The following DNAH8 variants were observed in gnomAD, a reference collection of about 807,000 sequenced individuals.
DNAH8 encodes dynein axonemal heavy chain 8, also known as axonemal beta dynein heavy chain 8.
In DNAH8, 382 loss-of-function variants were observed where a neutral mutation model predicts 562.1. The observed-to-expected ratio is 0.68, with a 90% confidence interval of 0.63 to 0.74. DNAH8 has a LOEUF of 0.74. Ranked by LOEUF, DNAH8 falls within the 30% of genes least tolerant of loss-of-function variation. The pLI is 0.00. For missense variants in DNAH8, 5,203 were observed against 5,620.4 expected, an observed-to-expected ratio of 0.93 and a Z score of 2.37; for synonymous variants, 1,881 against 1,919.4, an observed-to-expected ratio of 0.98 and a Z score of 0.52.
At chr6:39,002,734 A>G (rs1418040874) in intron 88 of DNAH8, among the ~76,000 whole-genome samples, 1 of 152,218 alleles carries the variant, frequency 6.6e-6, no homozygotes, top group Non-Finnish European at 1.5e-5. Context: ...GTTCATTAAA[A>G]ATCAGGTTTT....
intron 58 of DNAH8, among the ~76,000 whole-genome samples, chr6:38,893,038 A>G (rs914751325): frequency 6.6e-6 from 1 of 151,920 alleles, no homozygotes; most frequent in African/African-American, 2.4e-5. Flanking sequence ...GCATATTTAC[A>G]TATATATTTG....
At chr6:38,816,933 T>A (rs1772336912) in intron 26 of DNAH8, among the ~76,000 whole-genome samples, 1 of 152,126 alleles carries the variant, frequency 6.6e-6, no homozygotes, top group African/African-American at 2.4e-5. Flanking sequence ...TCTGATGGGG[T>A]TGAGAAACTG....
intron 91 of DNAH8, among the ~76,000 whole-genome samples, chr6:39,015,792 C>A (rs1766528036): frequency 6.6e-6 from 1 of 152,172 alleles, no homozygotes; most frequent in South Asian, 2.1e-4. Context: ...TTCAGTTCTG[C>A]TTTCAAGTTA....
At chr6:38,959,611 T>C (rs1309163475) in intron 82 of DNAH8, among the ~76,000 whole-genome samples, 2 of 151,844 alleles carry the variant, frequency 1.3e-5, no homozygotes, top group East Asian at 3.9e-4. Flanking sequence ...ATGGAAGAAG[T>C]TGAAAAGGAC....
At chr6:39,019,700 A>G (rs2281346) in intron 91 of DNAH8, among the ~76,000 whole-genome samples, 122,453 of 152,090 alleles carry the variant, frequency 0.81, 49,993 homozygotes, top group Middle Eastern at 0.88. Flanking sequence ...TGGAGTTGAG[A>G]AGAAGGTCAT....
intron 64 of DNAH8, among the ~76,000 whole-genome samples, chr6:38,908,675 C>T (rs764124196): frequency 6.6e-6 from 1 of 152,198 alleles, no homozygotes; most frequent in Non-Finnish European, 1.5e-5. Context: ...ACCTTAGACT[C>T]CCAAGTAGCT....
In DNAH8 at chr6:38,848,696, G is replaced by T. The variant is rs1241477518; in HGVS notation, c.5094G>T (p.Leu1698Phe). The T allele has an allele frequency of 1.9e-6, 3 of 1,611,788 alleles. No individual in the cohort carries two copies. Among genetic ancestry groups the T allele is most frequent in the East Asian group, 2.2e-5 (1 of 44,850 alleles). Residue 1698 changes from leucine (L) to phenylalanine (F), a missense_variant, in exon 37 of 93, where the codon TTG becomes TTT. Around this residue, in one of 6 missense-constraint regions of DNAH8, gnomAD observed 2,176 missense variants for 2,365.1 expected, o/e 0.92. Coordinates refer to ENST00000327475, the MANE Select transcript of DNAH8 (RefSeq NM_001206927.2). ...ATATCCAGAATTGGGTGTATAAATT[G>T]TCCACTTCCTCAGATATAATTGAAG... ...KKNIQNWVYK[L>F]STSSDIIEEW...
chr6:38,726,003 T>C (rs995353814), intron 3 of DNAH8, among the ~76,000 whole-genome samples: 1 of 152,158 alleles, frequency 6.6e-6, no homozygotes, highest in African/African-American at 2.4e-5. Flanking sequence ...AAGCAATTGG[T>C]GCAAAACAAC....
chr6:38,850,301 G>A lies in DNAH8; in HGVS notation c.5250G>A (p.Gln1750=). 6.2e-7 allele frequency: 1 copy of A among 1,613,552 alleles called. No homozygotes were observed. Residue 1750 remains glutamine (Q), a synonymous_variant, in exon 38 of 93, where the codon CAG becomes CAA. Transcript: ENST00000327475. The part of the protein sequence containing the change: ...NIDKSWIKIM[Q]RAHENPNVIN... ...ACAAGTCTTGGATAAAAATAATGCA[G>A]CGAGCTCATGAGAATCCCAATGTGA...
intron 29 of DNAH8, among the ~76,000 whole-genome samples, chr6:38,827,945 A>G (rs1337558890): frequency 6.6e-6 from 1 of 151,604 alleles, no homozygotes; most frequent in African/African-American, 2.4e-5. Context: ...AGACATATAC[A>G]TCTCCATCAG....
intron 48 of DNAH8, among the ~76,000 whole-genome samples, chr6:38,869,524 T>C (rs1777303484): frequency 6.6e-6 from 1 of 151,906 alleles, no homozygotes; most frequent in Admixed American, 6.6e-5. Context: ...TCATAAGGGG[T>C]CAGATGTTGG....
chr6:38,765,766 A>G (rs1301004688), intron 11 of DNAH8, among the ~76,000 whole-genome samples: 3 of 152,226 alleles, frequency 2.0e-5, no homozygotes, highest in Non-Finnish European at 4.4e-5. Context: ...TTGCAAATTA[A>G]AAACCACAAT....
At chr6:39,020,624 G>A (rs1214616971) in intron 91 of DNAH8, among the ~76,000 whole-genome samples, 1 of 152,092 alleles carries the variant, frequency 6.6e-6, no homozygotes, top group East Asian at 1.9e-4. Flanking sequence ...TATCATCTAG[G>A]TTTTAAGCCC....
rs143431894 is a variant in DNAH8 at position 38,822,868 on chromosome 6, A to T, written c.3554A>T (p.Lys1185Met). The T allele has an allele frequency of 6.2e-7, 1 of 1,603,668 alleles. No homozygotes were observed. The highest frequency in any genetic ancestry group is 8.5e-7 in the Non-Finnish European group (1 of 1,177,036). The change falls in exon 27 of 93, where the codon AAG becomes ATG. Residue 1185 changes from lysine to methionine, a missense_variant. Physicochemically the swap from Lys to Met is moderately conservative, Grantham distance 95 (BLOSUM62 -1). This residue lies in a region of DNAH8 where 2,176 missense variants were observed against 2,365.1 expected (regional missense o/e 0.92). Transcript: ENST00000327475. ...RSFEEAIPAR[K>M]LKNFYPGVAE... ...TTTGAAGAAGCTATTCCTGCGAGGA[A>T]GCTGAAGAATTTTTACCCGGGGGTA... is the stretch of plus-strand genomic sequence containing the variant.
chr6:38,790,011 C>A, intron 19 of DNAH8, 128 bp downstream of exon 19: 1 of 660,562 alleles, frequency 1.5e-6, no homozygotes, highest in Non-Finnish European at 2.4e-6. Flanking sequence ...AATTTTATAG[C>A]TCTGTTTTTT....
At chr6:38,803,743 G>A (rs1325579866) in intron 22 of DNAH8, among the ~76,000 whole-genome samples, 1 of 151,132 alleles carries the variant, frequency 6.6e-6, no homozygotes, top group Non-Finnish European at 1.5e-5. Context: ...TAATCTGGGT[G>A]AAACCATGTT....
rs1770572093 is a variant in DNAH8 at position 38,799,334 on chromosome 6, C to CCACCGA, written c.2902-3845_2902-3844insCACCGA. Among the ~76,000 whole-genome samples the CCACCGA allele has an allele frequency of 2.0e-5, 3 of 152,050 alleles. 1 individual carries two copies. The South Asian group carries it at 6.3e-4, about 32-fold the overall frequency. On this transcript the variant is annotated intron_variant, in intron 21 of 92. Coordinates refer to ENST00000327475, the MANE Select transcript of DNAH8 (RefSeq NM_001206927.2). ...TTGATTCCATGCCTACCTGTCTTCT[C>CCACCGA]GGTGACCTTGTTCCGCCAGTTTTCC...
At chr6:39,024,618 A>G (rs1464887856) in intron 91 of DNAH8, among the ~76,000 whole-genome samples, 1 of 152,170 alleles carries the variant, frequency 6.6e-6, no homozygotes, top group Non-Finnish European at 1.5e-5. Context: ...CTTGAGCCCA[A>G]GAGTTTGAGA....
chr6:38,822,398 C>T (rs1448663281), intron 26 of DNAH8: 1 of 154,210 alleles, frequency 6.5e-6, no homozygotes, highest in Non-Finnish European at 1.4e-5. Context: ...AACACCCCAG[C>T]AGAGGTTGTC....
Sources: gnomAD v4.1 joint callset for allele counts (sites outside exome capture counted in the v4.1 genomes callset) on GRCh38, gnomAD v4.1.1 for gene constraint, gnomAD v4.1.1 regional missense constraint, MANE v1.5 for transcripts, NCBI Gene and HGNC (gene_info 2026-07-23, HGNC 2026-07-21) for gene names.